The following INPP5E variants were observed in gnomAD, a reference collection of about 807,000 sequenced individuals.
The protein encoded by INPP5E is phosphatidylinositol polyphosphate 5-phosphatase type IV.
In INPP5E, 34 loss-of-function variants were observed where a neutral mutation model predicts 50.5. That is an observed-to-expected ratio of 0.67 (90% CI 0.51 to 0.90). The LOEUF (loss-of-function observed/expected upper bound fraction) is 0.90. Ranked by LOEUF, INPP5E falls within the 40% of genes least tolerant of loss-of-function variation. The probability of loss-of-function intolerance (pLI) is 0.00; values close to 1 mark genes in which losing one functional copy is unlikely to be tolerated. For synonymous variants in INPP5E, 447 were observed against 406.0 expected (o/e 1.10, Z -1.21); for missense variants, 942 against 905.5 (o/e 1.04, Z -0.52).
At position 136,438,779 on chromosome 9, in the gene INPP5E, G is replaced by A. The variant is rs1046935939; in HGVS notation, c.641C>T (p.Ser214Leu). 2.5e-6 allele frequency: 4 copies of A among 1,612,006 alleles called. No homozygotes were observed. Among genetic ancestry groups the A allele is most frequent in the Non-Finnish European group, 3.4e-6 (4 of 1,179,672 alleles). The change falls in exon 1 of 10, where the codon TCG becomes TTG. Residue 214 changes from serine to leucine, a missense_variant. Physicochemically the swap from Ser to Leu is moderately radical, Grantham distance 145 (BLOSUM62 -2). Coordinates refer to ENST00000371712, the MANE Select transcript of INPP5E (RefSeq NM_019892.6). ...DSLRTANKVD[S>L]DLADYKLRAQ... ...GCGGAGCTTGTAGTCTGCAAGATCC[G>A]AGTCGACCTTGTTTGCTGTCCTCAG... is the stretch of plus-strand genomic sequence containing the variant.
intron 3 of INPP5E, among the ~76,000 whole-genome samples, chr9:136,433,532 C>T (rs1001569089): frequency 8.5e-5 from 13 of 152,230 alleles, no homozygotes; most frequent in East Asian, 5.8e-4. Flanking sequence ...GAGCTCCTCC[C>T]GCCTGAGGGA....
rs758738865 is a variant in INPP5E, at chr9:136,433,056, C to G, written c.1179G>C (p.Val393=). The change falls in exon 5 of 10, where the codon GTG becomes GTC. Residue 393 remains valine, a synonymous_variant. Coordinates refer to ENST00000371712, the MANE Select transcript of INPP5E (RefSeq NM_019892.6). Reference sequence around the variant, plus strand: ...TGATCTGAGACACGATGCGTGTGGTCACCGTGGAGCACTCCACCTCTGTGG... The same window carrying G: ...TGATCTGAGACACGATGCGTGTGGTGACCGTGGAGCACTCCACCTCTGTGG... ...WFCSEVECST[V]TTRIVSQIKT... 3.7e-6 allele frequency: 6 copies of G among 1,613,426 alleles called. No individual in the cohort carries two copies. The highest frequency in any genetic ancestry group is 1.1e-5 in the South Asian group (1 of 91,084).
At position 136,434,082 on chromosome 9, in the gene INPP5E, G is replaced by A. The variant is rs1369760762; in HGVS notation, c.989C>T (p.Ala330Val). ...EFLLPAEADY[A>V]QDLYVIGVQE... ...GACCCCGATGACATACAGGTCCTGG[G>A]CATAGTCGGCCTCGGCTGGGAGCAG... Residue 330 changes from alanine (A) to valine (V), a missense_variant, in exon 3 of 10, where the codon GCC (alanine) becomes GTC (valine). Physicochemically the swap from Ala to Val is moderately conservative, Grantham distance 64. Transcript: ENST00000371712. 3 of 1,610,886 alleles carry A rather than the reference G, an allele frequency of 1.9e-6. No individual in the cohort carries two copies. Among genetic ancestry groups the A allele is most frequent in the Non-Finnish European group, 2.5e-6 (3 of 1,179,520 alleles).
rs770286818 is a variant in INPP5E, at chr9:136,429,818, G to A, written c.1803-11C>T. 6 of 1,612,634 alleles carry A rather than the reference G, an allele frequency of 3.7e-6. No homozygotes were observed. The highest frequency in any genetic ancestry group is 5.1e-6 in the Non-Finnish European group (6 of 1,179,644). On this transcript the variant is annotated splice_polypyrimidine_tract_variant and intron_variant, in intron 9 of 9. Coordinates refer to ENST00000371712, the MANE Select transcript of INPP5E (RefSeq NM_019892.6). ...GCTGCCAACGGAATGCTGTGGAGGAGGAGGGGGCGTTAGGAGGGCACCCAG... is the reference window on the plus strand; with the variant it reads ...GCTGCCAACGGAATGCTGTGGAGGAAGAGGGGGCGTTAGGAGGGCACCCAG...
At position 136,438,722 on chromosome 9, in the gene INPP5E, C is replaced by T; in HGVS notation, c.698G>A (p.Ser233Asn). The T allele has an allele frequency of 6.2e-7, 1 of 1,609,482 alleles. No homozygotes were observed. Among genetic ancestry groups the T allele is most frequent in the Admixed American group, 1.7e-5 (1 of 59,658 alleles). ...AQPLLVRAHS[S>N]LGPGRPRSPL... ...GCTCCGCGGCCGGCCGGGGCCCAGG[C>T]TGCTGTGGGCCCGCACCAGGAGCGG... is the stretch of plus-strand genomic sequence containing the variant. The change falls in exon 1 of 10, where the codon AGC becomes AAC. Residue 233 changes from serine to asparagine, a missense_variant. Coordinates refer to ENST00000371712, the MANE Select transcript of INPP5E (RefSeq NM_019892.6).
chr9:136,432,539 C>G lies in INPP5E; in HGVS notation c.1327G>C (p.Val443Leu). 1 of 1,551,184 alleles carries G rather than the reference C, an allele frequency of 6.4e-7. No individual in the cohort carries two copies. The highest frequency in any genetic ancestry group is 8.7e-7 in the Non-Finnish European group (1 of 1,147,148). The change falls in exon 6 of 10, where the codon GTA becomes CTA. Residue 443 changes from valine to leucine, a missense_variant. By Grantham distance (32) the Val-to-Leu change is conservative. Transcript: ENST00000371712. ...TTTCTGGGCAGGACCAGGGCTTGTA[C>G]AGTCCTGGTGTAGTCCAGCAGCCGC... is the stretch of plus-strand genomic sequence containing the variant. The part of the protein sequence containing the change: ...AERLLDYTRT[V>L]QALVLPRNVP...
In INPP5E at chr9:136,429,566, C is replaced by A; in HGVS notation, c.*109G>T. ...GGACGCTGGCACAGAGGCACGGTCGCCACAGTCCCTCGGATCCCCGAAAGG... is the reference window on the plus strand; with the variant it reads ...GGACGCTGGCACAGAGGCACGGTCGACACAGTCCCTCGGATCCCCGAAAGG... On this transcript the variant is annotated 3_prime_UTR_variant, in exon 10 of 10. Coordinates refer to ENST00000371712, the MANE Select transcript of INPP5E (RefSeq NM_019892.6). 6.9e-7 allele frequency: 1 copy of A among 1,456,484 alleles called. No homozygotes were observed. The highest frequency in any genetic ancestry group is 1.7e-5 in the Admixed American group (1 of 59,816). 90.2% of individuals were successfully genotyped at this position (1,456,484 alleles called of 1,614,324 possible).
At chr9:136,438,539 C>G in intron 1 of INPP5E, 69 bp downstream of exon 1, 1 of 1,344,834 alleles carries the variant, frequency 7.4e-7, no homozygotes. Flanking sequence ...AACGGTCTCA[C>G]GAGGTTCCAG....
intron 9 of INPP5E, among the ~76,000 whole-genome samples, chr9:136,430,061 G>T (rs1475518777): frequency 6.6e-6 from 1 of 151,998 alleles, no homozygotes; most frequent in African/African-American, 2.4e-5. Context: ...GCCACACCCA[G>T]CCCCCCAGCT....
Position 136,430,936 on chromosome 9 carries a change from G to T in INPP5E, c.1665+66C>A, listed in dbSNP as rs541897913. ...GCTCAGACCCCTGACGCCAGGCATC[G>T]GTTCCCGGCTGTGGGAGATGCCTGC... On this transcript the variant is annotated intron_variant, in intron 8 of 9. Coordinates refer to ENST00000371712, the MANE Select transcript of INPP5E (RefSeq NM_019892.6). The T allele has an allele frequency of 3.5e-6, 4 of 1,143,856 alleles. No homozygotes were observed. The African/African-American group carries it at 4.6e-5, about 13-fold the overall frequency. 70.9% of individuals were successfully genotyped at this position (1,143,856 alleles called of 1,614,324 possible). A position where few individuals can be genotyped will look rare whatever the true frequency, so the allele number is the denominator to read the frequency against.
chr9:136,431,867 C>T lies in INPP5E; in HGVS notation c.1506G>A (p.Pro502=), dbSNP rs74880446. ...TGAGCTGGTCGTGCTGCAGCAGCGC[C>T]GGCACGTCCACCACCAGGCCCTGGC... ...LLCQGLVVDV[P]ALLQHDQLIR... Residue 502 remains proline, a synonymous_variant, in exon 7 of 10, where the codon CCG becomes CCA. Transcript: ENST00000371712. 1.2e-3 allele frequency: 1,865 copies of T among 1,609,570 alleles called. 2 individuals carry two copies. The highest frequency in any genetic ancestry group is 1.4e-3 in the Non-Finnish European group (1,637 of 1,179,080).
intron 3 of INPP5E, 37 bp from the exon 4 acceptor site, chr9:136,433,316 G>C: frequency 1.3e-6 from 2 of 1,551,728 alleles, no homozygotes; most frequent in African/African-American, 2.7e-5. Flanking sequence ...GGGGGACATG[G>C]CCTCCCAGCT....
chr9:136,438,899 C>T lies in INPP5E; in HGVS notation c.521G>A (p.Arg174Lys). 1.3e-6 allele frequency: 2 copies of T among 1,582,784 alleles called. No individual in the cohort carries two copies. The highest frequency in any genetic ancestry group is 1.7e-6 in the Non-Finnish European group (2 of 1,164,894). The change falls in exon 1 of 10, where the codon AGA (arginine) becomes AAA (lysine). Residue 174 changes from arginine (R) to lysine (K), a missense_variant. Physicochemically the swap from Arg to Lys is conservative, Grantham distance 26. Transcript: ENST00000371712. ...VASSSPNLPH[R>K]DAAVAGSSPR... ...CGAGCTCCCCGCCACGGCGGCGTCT[C>T]TGTGCGGGAGGTTCGGGGAGCTGCT...
chr9:136,432,903 G>A (rs1588833952), intron 5 of INPP5E, 53 bp downstream of exon 5: 17 of 1,598,500 alleles, frequency 1.1e-5, no homozygotes, highest in Admixed American at 1.7e-5. Context: ...TCCCGGTCAG[G>A]AGAGGAAGCT....
rs1025785482 is a variant in INPP5E, at chr9:136,430,358, G to A, written c.1721C>T (p.Ser574Phe). The A allele has an allele frequency of 6.4e-7, 1 of 1,555,550 alleles. No individual in the cohort carries two copies. The highest frequency in any genetic ancestry group is 8.7e-7 in the Non-Finnish European group (1 of 1,148,626). Residue 574 changes from serine (S) to phenylalanine (F), a missense_variant, in exon 9 of 10, where the codon TCT becomes TTT. By Grantham distance (155) the Ser-to-Phe change is radical. Transcript: ENST00000371712. ...HKGDICPVSY[S>F]SCPGIKTSDH... ...GGACGTCTTGATCCCGGGGCAGGAA[G>A]AGTAGCTCACAGGACAGATGTCACC...
chr9:136,433,434 T>G (rs1180541482), intron 3 of INPP5E, among the ~76,000 whole-genome samples, 155 bp from the exon 4 acceptor site: 2 of 152,114 alleles, frequency 1.3e-5, no homozygotes, highest in Non-Finnish European at 2.9e-5. Flanking sequence ...GAAGGCCTGG[T>G]GGGCCAGAGT....
rs367592401 is a variant in INPP5E, at chr9:136,431,916, C to T, written c.1457G>A (p.Arg486His). Residue 486 changes from arginine to histidine, a missense_variant, in exon 7 of 10, where the codon CGC (arginine) becomes CAC (histidine). By Grantham distance (29) the Arg-to-His change is conservative. Coordinates refer to ENST00000371712, the MANE Select transcript of INPP5E (RefSeq NM_019892.6). ...GDFNFRLSGG[R>H]TVVDALLCQG... ...GCACAGGAGGGCGTCCACGACTGTG[C>T]GCCCGCCACTCAGGCGGAAGTTGAA... 170 of 1,611,606 alleles carry T rather than the reference C, an allele frequency of 1.1e-4. No homozygotes were observed. The highest frequency in any genetic ancestry group is 3.6e-4 in the East Asian group (16 of 44,754).
Position 136,434,224 on chromosome 9 carries a change from C to T in INPP5E, c.937-90G>A, listed in dbSNP as rs552132393. On this transcript the variant is annotated intron_variant, in intron 2 of 9. Coordinates refer to ENST00000371712, the MANE Select transcript of INPP5E (RefSeq NM_019892.6). ...CCCACTGCGGTGCCTTGAGTACCAG[C>T]GACTCCTCCGAATGAGGGGAAACTG... 6.8e-5 allele frequency: 59 copies of T among 870,330 alleles called. No homozygotes were observed. In the Admixed American group the frequency reaches 1.1e-3, roughly 16 times the overall value. The allele number at this position is 870,330 out of a possible 1,614,324, so 53.9% of individuals were successfully genotyped here.
rs1336267333 is a variant in INPP5E at position 136,431,824 on chromosome 9, C to T, written c.1549G>A (p.Gly517Arg). The stretch of plus-strand genomic sequence containing the variant: ...CATGCCCGCCCCCCCAGGCCCTCAC[C>T]TTTCCGCATCTCCCGGATGAGCTGG... ...HDQLIREMRKGSIFKGFQEPD... is the reference protein window; with the variant it reads ...HDQLIREMRKRSIFKGFQEPD... The change falls in exon 7 of 10, where the codon GGG (glycine) becomes AGG (arginine). Residue 517 changes from glycine to arginine, a missense_variant and splice_region_variant. Coordinates refer to ENST00000371712, the MANE Select transcript of INPP5E (RefSeq NM_019892.6). The T allele has an allele frequency of 1.9e-6, 3 of 1,600,944 alleles. No individual in the cohort carries two copies. The highest frequency in any genetic ancestry group is 1.4e-5 in the African/African-American group (1 of 71,528).
Sources: gnomAD v4.1 joint callset for allele counts (sites outside exome capture counted in the v4.1 genomes callset) on GRCh38, gnomAD v4.1.1 for gene constraint, MANE v1.5 for transcripts, NCBI Gene and HGNC (gene_info 2026-07-23, HGNC 2026-07-21) for gene names.